MIA2: variants seen among roughly 807,000 people sequenced by gnomAD.
MIA2 encodes MIA SH3 domain ER export factor 2, also known as melanoma inhibitory activity protein 2.
A neutral mutation model predicts 167.8 loss-of-function variants in MIA2; 127 were observed. That is an observed-to-expected ratio of 0.76 (90% CI 0.66 to 0.88). The LOEUF (loss-of-function observed/expected upper bound fraction) is 0.88, where lower values mean the gene tolerates loss of function less well. Ranked by LOEUF, MIA2 falls within the 40% of genes least tolerant of loss-of-function variation. The pLI is 0.00. For missense variants in MIA2, 1,690 were observed against 1,624.7 expected, an observed-to-expected ratio of 1.04 and a Z score of -0.69; for synonymous variants, 552 against 541.9, an observed-to-expected ratio of 1.02 and a Z score of -0.26.
rs545093376 is a variant in MIA2 at position 39,288,928 on chromosome 14, T to G, written c.2131-2091T>G. On this transcript the variant is annotated intron_variant, in intron 9 of 28. Coordinates refer to ENST00000640607, the MANE Select transcript of MIA2 (RefSeq NM_001329214.4). ...CCTGTAGGTTTGTTTGTTTGTTTAT[T>G]TATTTATTTTTTGTGGTTTCTTGGT... Among the ~76,000 whole-genome samples, 85 of 152,300 alleles carry G rather than the reference T, an allele frequency of 5.6e-4. 1 individual carries two copies. Among genetic ancestry groups the G allele is most frequent in the African/African-American group, 1.9e-3 (81 of 41,560 alleles).
intron 15 of MIA2, among the ~76,000 whole-genome samples, chr14:39,302,559 C>T (rs1379689586): frequency 6.6e-6 from 1 of 152,026 alleles, no homozygotes; most frequent in Non-Finnish European, 1.5e-5. Context: ...CCTGTTTTTC[C>T]CTGTACTGTA....
intron 10 of MIA2, among the ~76,000 whole-genome samples, chr14:39,291,842 T>G (rs1402163943): frequency 6.6e-6 from 1 of 152,210 alleles, no homozygotes; most frequent in Non-Finnish European, 1.5e-5. Context: ...TGGGAGTGCC[T>G]TACTACTGTT....
intron 9 of MIA2, among the ~76,000 whole-genome samples, chr14:39,285,510 C>T (rs867924775): frequency 0.011 from 1,539 of 140,388 alleles, 86 homozygotes; most frequent in African/African-American, 0.039. Flanking sequence ...GGCGGCTGGC[C>T]GGGCGGGGGC....
intron 23 of MIA2, among the ~76,000 whole-genome samples, chr14:39,381,024 A>AAC (rs1555423419): frequency 2.2e-4 from 32 of 146,774 alleles, no homozygotes; most frequent in African/African-American, 5.3e-4. Flanking sequence ...AAAAAAAACA[A>AAC]AAAAAAAAAA....
At chr14:39,250,621 G>A (rs1361848738) in intron 4 of MIA2, among the ~76,000 whole-genome samples, 5 of 151,656 alleles carry the variant, frequency 3.3e-5, no homozygotes, top group South Asian at 2.1e-4. Flanking sequence ...ACTGGACCCC[G>A]GGAGGCGGAG....
At chr14:39,268,829 T>A (rs2056538983) in intron 6 of MIA2, among the ~76,000 whole-genome samples, 1 of 152,184 alleles carries the variant, frequency 6.6e-6, no homozygotes, top group Non-Finnish European at 1.5e-5. Flanking sequence ...ATTGATTGCA[T>A]GTGAAGGGTG....
At chr14:39,256,079 T>A (rs2054804132) in intron 6 of MIA2, among the ~76,000 whole-genome samples, 1 of 152,196 alleles carries the variant, frequency 6.6e-6, no homozygotes, top group Non-Finnish European at 1.5e-5. Context: ...ATTTCTGGGT[T>A]CTCTTGAAAA....
chr14:39,276,438 C>A (rs991562938), intron 6 of MIA2: 1 of 153,662 alleles, frequency 6.5e-6, no homozygotes, highest in African/African-American at 2.4e-5. Flanking sequence ...ACTCCAAACC[C>A]AAATCTCTAT....
chr14:39,318,262 C>A (rs1447467697), intron 22 of MIA2, among the ~76,000 whole-genome samples: 1 of 151,948 alleles, frequency 6.6e-6, no homozygotes, highest in African/African-American at 2.4e-5. Flanking sequence ...TTTTTTTAAA[C>A]CAGTGTAGAT....
At chr14:39,265,268 C>T (rs2055413620) in intron 6 of MIA2, 4 of 760,950 alleles carry the variant, frequency 5.3e-6, no homozygotes, top group African/African-American at 1.8e-5. Context: ...AATGTCAAAA[C>T]GGGATCACAG....
chr14:39,312,157 A>G (rs1464658168), intron 18 of MIA2, among the ~76,000 whole-genome samples: 1 of 152,130 alleles, frequency 6.6e-6, no homozygotes, highest in Admixed American at 6.6e-5. Context: ...TCATATCATC[A>G]GGTCTCCTTT....
chr14:39,345,595 C>A (rs1440394155), intron 25 of MIA2, among the ~76,000 whole-genome samples: 1 of 152,062 alleles, frequency 6.6e-6, no homozygotes, highest in Non-Finnish European at 1.5e-5. Flanking sequence ...TTACTTCCAT[C>A]CATTATTAAA....
intron 6 of MIA2, among the ~76,000 whole-genome samples, chr14:39,257,410 CT>C (rs1303012237): frequency 2.0e-5 from 3 of 149,912 alleles, no homozygotes; most frequent in East Asian, 2.0e-4. Flanking sequence ...TGCAACCCTC[CT>C]TTTTTTTTGC....
At chr14:39,273,535 T>C (rs2057487150) in intron 6 of MIA2, among the ~76,000 whole-genome samples, 1 of 152,176 alleles carries the variant, frequency 6.6e-6, no homozygotes, top group Non-Finnish European at 1.5e-5. Flanking sequence ...GTTGAATGTT[T>C]TGACTATGAA....
At chr14:39,366,934 G>T (rs187399650) in intron 23 of MIA2, among the ~76,000 whole-genome samples, 77 of 152,346 alleles carry the variant, frequency 5.1e-4, no homozygotes, top group African/African-American at 1.8e-3. Context: ...CTCAGAGTGT[G>T]TGCAAGTGCA....
intron 26 of MIA2, among the ~76,000 whole-genome samples, chr14:39,346,664 A>T (rs1224565696): frequency 6.7e-6 from 1 of 148,472 alleles, no homozygotes; most frequent in African/African-American, 2.4e-5. Flanking sequence ...TTTATATATT[A>T]TTAAATATAT....
In MIA2 at chr14:39,356,724, TGTGTCCCAGA is replaced by T. The variant is rs1257116677; in HGVS notation, c.2248+7749_2248+7758del. Among the ~76,000 whole-genome samples the T allele has an allele frequency of 2.6e-5, 4 of 152,370 alleles. No individual in the cohort carries two copies. In the East Asian group the frequency reaches 7.7e-4, roughly 29 times the overall value. ...ATTTCCCTCTACACACTGCTTTGAA[TGTGTCCCAGA>T]GATTCTGGTATGTTGTATCTTTGTT... is the stretch of plus-strand genomic sequence containing the variant. On this transcript the variant is annotated intron_variant, in intron 23 of 23. Coordinates refer to the MIA2 transcript ENST00000341502.
intron 6 of MIA2, chr14:39,266,957 C>T: frequency 1.5e-6 from 1 of 677,826 alleles, no homozygotes; most frequent in Non-Finnish European, 1.8e-6. Flanking sequence ...TTGTGCGGCT[C>T]ACACGACAGC....
chr14:39,363,257 C>T (rs146400501), intron 23 of MIA2, among the ~76,000 whole-genome samples: 155 of 152,308 alleles, frequency 1.0e-3, no homozygotes, highest in African/African-American at 3.5e-3. Flanking sequence ...TGGCCAGGTG[C>T]TGTGGCTCAC....
Sources: gnomAD v4.1 joint callset for allele counts (sites outside exome capture counted in the v4.1 genomes callset) on GRCh38, gnomAD v4.1.1 for gene constraint, MANE v1.5 for transcripts, NCBI Gene and HGNC (gene_info 2026-07-23, HGNC 2026-07-21) for gene names.